PPM1B: variants seen among roughly 807,000 people sequenced by gnomAD.
PPM1B encodes protein phosphatase, Mg2+/Mn2+ dependent 1B.
In PPM1B, 22 loss-of-function variants were observed where a neutral mutation model predicts 43.0. That is an observed-to-expected ratio of 0.51 (90% CI 0.37 to 0.73). The LOEUF (loss-of-function observed/expected upper bound fraction) is 0.73. Ranked by LOEUF, PPM1B falls within the 30% of genes least tolerant of loss-of-function variation. The probability of loss-of-function intolerance (pLI) is 0.00; values close to 1 mark genes in which losing one functional copy is unlikely to be tolerated. For missense variants in PPM1B, 632 were observed against 584.2 expected (o/e 1.08, Z -0.84); for synonymous variants, 217 against 197.9 (o/e 1.10, Z -0.81).
intron 1 of PPM1B, among the ~76,000 whole-genome samples, chr2:44,191,380 A>G (rs1024239258): frequency 4.0e-5 from 6 of 151,734 alleles, no homozygotes; most frequent in African/African-American, 1.4e-4. Flanking sequence ...TGCCTGGTTA[A>G]TTTTTTTCTA....
chr2:44,177,915 CTTTT>C (rs746113686), intron 1 of PPM1B, among the ~76,000 whole-genome samples: 3 of 106,268 alleles, frequency 2.8e-5, no homozygotes, highest in Non-Finnish European at 4.1e-5. Flanking sequence ...TAGAACAGTT[CTTTT>C]TTTTTTTTTT....
chr2:44,235,490 C>G (rs756685339), downstream of PPM1B, among the ~76,000 whole-genome samples: 3 of 151,444 alleles, frequency 2.0e-5, no homozygotes, highest in Non-Finnish European at 2.9e-5. Flanking sequence ...GTAATCCCAG[C>G]TACTCGGGAG....
At chr2:44,218,114 A>G (rs1158616605) in intron 4 of PPM1B, 36 bp downstream of exon 4, 3 of 1,422,702 alleles carry the variant, frequency 2.1e-6, no homozygotes, top group Non-Finnish European at 3.0e-6. Context: ...GAGTTCGTTC[A>G]TAATTAGTAA....
chr2:44,185,542 A>G (rs6722236), intron 1 of PPM1B, among the ~76,000 whole-genome samples: 27,660 of 152,102 alleles, frequency 0.18, 2,633 homozygotes, highest in South Asian at 0.24. Flanking sequence ...GGGGTAAGTT[A>G]CACTGTTGTC....
At position 44,200,122 on chromosome 2, in the gene PPM1B, A is replaced by C. The variant is rs1668864452; in HGVS notation, c.-14-1064A>C. Among the ~76,000 whole-genome samples, 5 of 152,322 alleles carry C rather than the reference A, an allele frequency of 3.3e-5. No individual in the cohort carries two copies. The South Asian group carries it at 1.0e-3, about 32-fold the overall frequency. ...TGCATTTTGAGCAGATATAACAGCA[A>C]ACATTTTATGGTGTTTATTGTGTTT... On this transcript the variant is annotated intron_variant, in intron 1 of 5. Transcript: ENST00000282412.
At chr2:44,232,538 C>A, downstream of PPM1B, 1 of 1,433,832 alleles carries the variant, frequency 7.0e-7, no homozygotes, top group Non-Finnish European at 9.1e-7. Flanking sequence ...TGTAGCATTG[C>A]CTGTACTACA....
chr2:44,214,543 G>T (rs1669633047), intron 3 of PPM1B, among the ~76,000 whole-genome samples: 1 of 152,080 alleles, frequency 6.6e-6, no homozygotes, highest in South Asian at 2.1e-4. Context: ...TCAACTTGGG[G>T]TCCCATAAAG....
intron 1 of PPM1B, among the ~76,000 whole-genome samples, chr2:44,183,635 A>C (rs1409915378): frequency 6.6e-6 from 1 of 152,224 alleles, no homozygotes; most frequent in Non-Finnish European, 1.5e-5. Context: ...AGTGAGCCCC[A>C]GGAGGAAGGG....
At chr2:44,246,897 G>A (rs549288979), downstream of PPM1B, among the ~76,000 whole-genome samples, 1 of 151,882 alleles carries the variant, frequency 6.6e-6, no homozygotes, top group Non-Finnish European at 1.5e-5. Context: ...CTGTATGTAT[G>A]TTATACTTCA....
At chr2:44,200,044 A>G (rs1442566252) in intron 1 of PPM1B, among the ~76,000 whole-genome samples, 1 of 152,178 alleles carries the variant, frequency 6.6e-6, no homozygotes, top group Non-Finnish European at 1.5e-5. Flanking sequence ...TGATGATTCC[A>G]TCTAAGATCT....
intron 1 of PPM1B, among the ~76,000 whole-genome samples, chr2:44,179,408 A>G (rs975816963): frequency 6.6e-6 from 1 of 152,198 alleles, no homozygotes; most frequent in Non-Finnish European, 1.5e-5. Context: ...CATTCCTACT[A>G]GCCCCGAGTG....
chr2:44,232,200 T>A (rs1670487946), downstream of PPM1B: 1 of 1,451,740 alleles, frequency 6.9e-7, no homozygotes, highest in Non-Finnish European at 9.4e-7. Context: ...AAAGTACCCT[T>A]TTCAGACAAA....
At chr2:44,196,052 G>T (rs1192026646) in intron 1 of PPM1B, among the ~76,000 whole-genome samples, 3 of 152,168 alleles carry the variant, frequency 2.0e-5, no homozygotes. Context: ...AAACCCAAGT[G>T]AGAACTGTCC....
At chr2:44,199,332 A>AT (rs1456075966) in intron 1 of PPM1B, among the ~76,000 whole-genome samples, 51 of 146,978 alleles carry the variant, frequency 3.5e-4, no homozygotes, top group African/African-American at 1.3e-3. Context: ...AATAAAAAAA[A>AT]AAAAAATTGA....
chr2:44,192,779 A>T (rs1189146966), intron 1 of PPM1B, among the ~76,000 whole-genome samples: 1 of 152,056 alleles, frequency 6.6e-6, no homozygotes, highest in Non-Finnish European at 1.5e-5. Context: ...TATGAGTTTG[A>T]TTGTTTTAGA....
At position 44,215,104 on chromosome 2, in the gene PPM1B, G is replaced by C. The variant is rs568307822; in HGVS notation, c.965-2863G>C. ...TAACAAATATGTAATATGATCTCTA[G>C]GGCCTGTAGCAAATAGTTATTATTA... On this transcript the variant is annotated intron_variant, in intron 3 of 5. Transcript: ENST00000282412. 2.6e-3 allele frequency among the ~76,000 whole-genome samples: 393 copies of C among 152,186 alleles called. 1 individual carries two copies. Among genetic ancestry groups the C allele is most frequent in the African/African-American group, 8.8e-3 (367 of 41,536 alleles).
At chr2:44,195,455 C>G (rs75460719) in intron 1 of PPM1B, among the ~76,000 whole-genome samples, 20,695 of 152,002 alleles carry the variant, frequency 0.14, 1,739 homozygotes, top group South Asian at 0.24. Flanking sequence ...CAGTGATCCT[C>G]CCAGCTAGGC....
intron 2 of PPM1B, among the ~76,000 whole-genome samples, chr2:44,207,579 GCTT>G: frequency 6.6e-6 from 1 of 151,528 alleles, no homozygotes; most frequent in East Asian, 1.9e-4. Context: ...TATATGATAT[GCTT>G]TTTTTTTTTT....
At chr2:44,233,820 G>C (rs1345081890), downstream of PPM1B, 5 of 985,506 alleles carry the variant, frequency 5.1e-6, no homozygotes, top group Non-Finnish European at 6.0e-6. Flanking sequence ...TTATTCTTTA[G>C]ATTTTAGCCT....
Sources: allele counts gnomAD v4.1 joint callset (sites outside exome capture counted in the v4.1 genomes callset), GRCh38; gene constraint gnomAD v4.1.1; transcripts MANE v1.5; gene names NCBI Gene and HGNC (gene_info 2026-07-23, HGNC 2026-07-21).